The following CNTN4 variants were observed in gnomAD, a reference collection of about 807,000 sequenced individuals.
The protein encoded by CNTN4 is contactin 4.
Under a neutral mutation model 122.5 loss-of-function variants are expected in CNTN4, and 77 were observed. That is an observed-to-expected ratio of 0.63 (90% CI 0.52 to 0.76). The LOEUF is 0.76. CNTN4 is among the 30% of genes least tolerant of loss of function. The pLI, the probability that CNTN4 is intolerant of heterozygous loss-of-function variation, is 0.00. For synonymous variants in CNTN4, 512 were observed against 447.0 expected (o/e 1.15, Z -1.83); for missense variants, 1,256 against 1,259.1 (o/e 1.00, Z 0.04).
chr3:2,946,866 C>A (rs1224283436), intron 13 of CNTN4, among the ~76,000 whole-genome samples: 2 of 151,984 alleles, frequency 1.3e-5, no homozygotes, highest in East Asian at 1.9e-4. Context: ...CCACCATGCC[C>A]AGCTAATTTC....
chr3:2,596,632 T>G (rs1158911176), intron 4 of CNTN4, among the ~76,000 whole-genome samples: 1 of 152,192 alleles, frequency 6.6e-6, no homozygotes, highest in East Asian at 1.9e-4. Flanking sequence ...GAGTAACTTA[T>G]TTTTATGAAT....
intron 4 of CNTN4, among the ~76,000 whole-genome samples, chr3:2,626,708 A>G (rs1018223116): frequency 7.2e-5 from 11 of 152,288 alleles, no homozygotes; most frequent in African/African-American, 2.4e-4. Context: ...ACTTGTGATA[A>G]CCCAGATTAC....
At chr3:2,752,455 T>A (rs1045053334) in intron 6 of CNTN4, among the ~76,000 whole-genome samples, 1 of 152,128 alleles carries the variant, frequency 6.6e-6, no homozygotes. Flanking sequence ...AACCTCCACC[T>A]CCCGGGTCCA....
intron 4 of CNTN4, among the ~76,000 whole-genome samples, chr3:2,721,182 G>C (rs1164849027): frequency 6.6e-6 from 1 of 152,096 alleles, no homozygotes; most frequent in African/African-American, 2.4e-5. Flanking sequence ...ATGTTGGCCA[G>C]ACTGGTCTCC....
chr3:2,178,924 G>A (rs753543402), intron 2 of CNTN4, among the ~76,000 whole-genome samples: 4 of 151,954 alleles, frequency 2.6e-5, no homozygotes, highest in Non-Finnish European at 5.9e-5. Flanking sequence ...TCTGCAAATA[G>A]CAGACACAGA....
chr3:2,655,956 G>C (rs1014891813), intron 4 of CNTN4, among the ~76,000 whole-genome samples: 9 of 152,152 alleles, frequency 5.9e-5, no homozygotes, highest in Non-Finnish European at 7.3e-5. Flanking sequence ...GAAAACTAAA[G>C]ATACTTTCTA....
chr3:2,619,451 C>T (rs1576241830), intron 4 of CNTN4, among the ~76,000 whole-genome samples: 2 of 152,304 alleles, frequency 1.3e-5, no homozygotes, highest in East Asian at 3.9e-4. Flanking sequence ...ATTCCATTAT[C>T]CATCTATGGG....
intron 3 of CNTN4, among the ~76,000 whole-genome samples, chr3:2,419,116 C>A (rs2047523394): frequency 6.6e-6 from 1 of 151,982 alleles, no homozygotes; most frequent in Non-Finnish European, 1.5e-5. Context: ...AATTGGATAC[C>A]CCTTATGAGA....
chr3:2,612,997 A>T (rs183179684), intron 4 of CNTN4, among the ~76,000 whole-genome samples: 1 of 152,186 alleles, frequency 6.6e-6, no homozygotes, highest in Non-Finnish European at 1.5e-5. Context: ...TGTGAGCATT[A>T]CGTTTAAGAA....
intron 8 of CNTN4, among the ~76,000 whole-genome samples, chr3:2,871,745 C>G (rs1385945453): frequency 6.6e-6 from 1 of 152,094 alleles, no homozygotes; most frequent in African/African-American, 2.4e-5. Flanking sequence ...TGTTTGGGCT[C>G]TAGATTTAGA....
intron 10 of CNTN4, among the ~76,000 whole-genome samples, chr3:2,893,058 C>G (rs1455846202): frequency 6.6e-6 from 1 of 152,206 alleles, no homozygotes; most frequent in Non-Finnish European, 1.5e-5. Context: ...ACCAGTGTCA[C>G]AAATGAAAAC....
intron 2 of CNTN4, among the ~76,000 whole-genome samples, chr3:2,326,998 G>T (rs1380408658): frequency 2.0e-5 from 3 of 152,080 alleles, no homozygotes; most frequent in Non-Finnish European, 4.4e-5. Context: ...CAAAGATGTA[G>T]GTAGGAAAGA....
rs554518941 is a variant in CNTN4 at position 2,709,730 on chromosome 3, A to G, written c.56-26485A>G. Among the ~76,000 whole-genome samples, 44 of 152,228 alleles carry G rather than the reference A, an allele frequency of 2.9e-4. 1 individual carries two copies. In the South Asian group the frequency reaches 9.1e-3, roughly 32 times the overall value. The stretch of plus-strand genomic sequence containing the variant: ...GGAGTTCAAAATCAGCCTGGCCAAC[A>G]TGGTGAAACCCTCTCTCTACTAAAA... On this transcript the variant is annotated intron_variant, in intron 4 of 24. Transcript: ENST00000418658. This position sits in a 1 kb window ranked among gnomAD's most constrained non-coding sequence, Gnocchi z 5.0.
intron 3 of CNTN4, among the ~76,000 whole-genome samples, chr3:2,361,062 A>C (rs1191264651): frequency 1.3e-5 from 2 of 152,160 alleles, no homozygotes; most frequent in South Asian, 2.1e-4. Context: ...TCATAAAGTA[A>C]GTAAGGAAGT....
rs560734867 is a variant in CNTN4 at position 2,539,838 on chromosome 3, A to T, written c.-88-31578A>T. ...TCCCTTATGATAACTGATATTCAGG[A>T]TTGGAAACAGTTTGCCTCAAGAAAA... On this transcript the variant is annotated intron_variant, in intron 3 of 24. Transcript: ENST00000418658. Among the ~76,000 whole-genome samples, 9 of 152,174 alleles carry T rather than the reference A, an allele frequency of 5.9e-5. No homozygotes were observed. In the South Asian group the frequency reaches 1.9e-3, roughly 32 times the overall value.
intron 6 of CNTN4, among the ~76,000 whole-genome samples, chr3:2,783,146 C>T (rs186370550): frequency 7.3e-5 from 11 of 150,638 alleles, no homozygotes; most frequent in Admixed American, 6.6e-4. Flanking sequence ...ATTAGCAGGA[C>T]ATAGTGGTGG....
intron 15 of CNTN4, among the ~76,000 whole-genome samples, chr3:3,029,252 CAA>C (rs141714946): frequency 6.6e-6 from 1 of 152,034 alleles, no homozygotes; most frequent in Non-Finnish European, 1.5e-5. Context: ...GTCTGTTTCA[CAA>C]AAAAATGGAT....
intron 2 of CNTN4, among the ~76,000 whole-genome samples, chr3:2,331,215 G>C (rs886432312): frequency 6.6e-6 from 1 of 152,150 alleles, no homozygotes; most frequent in South Asian, 2.1e-4. Context: ...ACCTACACTT[G>C]GATATGGGCT....
At chr3:2,990,422 A>C (rs562908052) in intron 14 of CNTN4, among the ~76,000 whole-genome samples, 2 of 152,366 alleles carry the variant, frequency 1.3e-5, no homozygotes, top group East Asian at 3.9e-4. Context: ...AAAACAGCTA[A>C]GCATAGAAAC....
Sources: allele counts gnomAD v4.1 joint callset (sites outside exome capture counted in the v4.1 genomes callset), GRCh38; gene constraint gnomAD v4.1.1; non-coding constraint Gnocchi (gnomAD v3.1); transcripts MANE v1.5; gene names NCBI Gene and HGNC (gene_info 2026-07-23, HGNC 2026-07-21).